The following CBR4 variants were observed in gnomAD, a reference collection of about 807,000 sequenced individuals.
The protein encoded by CBR4 is carbonyl reductase 4.
A neutral mutation model predicts 21.0 loss-of-function variants in CBR4; 22 were observed. That is an observed-to-expected ratio of 1.05 (90% CI 0.75 to 1.50). The LOEUF (loss-of-function observed/expected upper bound fraction) is 1.50, where lower values mean the gene tolerates loss of function less well. CBR4 is among the 40% of genes most tolerant of loss of function. The pLI is 0.00. For missense variants in CBR4, 302 were observed against 286.3 expected, an observed-to-expected ratio of 1.05 and a Z score of -0.40; for synonymous variants, 100 against 104.4, an observed-to-expected ratio of 0.96 and a Z score of 0.26.
chr4:168,986,956 T>A (rs1462566695), downstream of CBR4, among the ~76,000 whole-genome samples: 1 of 152,116 alleles, frequency 6.6e-6, no homozygotes, highest in Non-Finnish European at 1.5e-5. Flanking sequence ...TAAATTAATT[T>A]AATTAAATAA....
At chr4:168,997,876 AC>A (rs1365647697) in intron 4 of CBR4, among the ~76,000 whole-genome samples, 1 of 152,198 alleles carries the variant, frequency 6.6e-6, no homozygotes, top group Non-Finnish European at 1.5e-5. Flanking sequence ...AACAAAAACA[AC>A]CCAACACTTT....
chr4:168,953,284 C>T (rs34605427), intron 2 of CBR4, among the ~76,000 whole-genome samples: 23,121 of 152,142 alleles, frequency 0.15, 1,950 homozygotes, highest in African/African-American at 0.22. Flanking sequence ...GCAAAAGCAC[C>T]GCATCTATTT....
chr4:168,988,699 C>T lies in CBR4; in HGVS notation c.*1451G>A. ...TTAATAGACAATTTGTTTAATGATA[C>T]TAACTTTACTCACACTTAATTGACT... On this transcript the variant is annotated 3_prime_UTR_variant, in exon 5 of 5. Transcript: ENST00000306193. 1 of 976,080 alleles carries T rather than the reference C, an allele frequency of 1.0e-6. No individual in the cohort carries two copies. Among genetic ancestry groups the T allele is most frequent in the Non-Finnish European group, 1.2e-6 (1 of 821,420 alleles). The allele number at this position is 976,080 out of a possible 1,614,324, so 60.5% of individuals were successfully genotyped here.
At chr4:168,918,483 A>T (rs1048042344) in intron 2 of CBR4, among the ~76,000 whole-genome samples, 1 of 152,306 alleles carries the variant, frequency 6.6e-6, no homozygotes, top group African/African-American at 2.4e-5. Flanking sequence ...AATATAAAAA[A>T]GTTGAACTCA....
chr4:168,912,662 A>G (rs1050866829), intron 2 of CBR4, among the ~76,000 whole-genome samples: 6 of 152,212 alleles, frequency 3.9e-5, no homozygotes, highest in Non-Finnish European at 8.8e-5. Flanking sequence ...AAGCATGTAT[A>G]CAACGTATAA....
At chr4:168,924,392 T>C in intron 2 of CBR4, 1 of 1,613,946 alleles carries the variant, frequency 6.2e-7, no homozygotes, top group East Asian at 2.2e-5. Context: ...AGAAAATGAA[T>C]CACTCACTCA....
At chr4:169,007,278 C>A (rs1366995115) in intron 2 of CBR4, among the ~76,000 whole-genome samples, 1 of 152,164 alleles carries the variant, frequency 6.6e-6, no homozygotes, top group Non-Finnish European at 1.5e-5. Context: ...ATAATATCCA[C>A]TCCATGATTC....
chr4:168,943,026 G>A (rs1486388486), intron 2 of CBR4, among the ~76,000 whole-genome samples: 1 of 152,126 alleles, frequency 6.6e-6, no homozygotes, highest in Non-Finnish European at 1.5e-5. Flanking sequence ...TGGGAATGTA[G>A]ACTAGCACAA....
chr4:168,935,942 C>T (rs1376832700), intron 2 of CBR4, among the ~76,000 whole-genome samples: 1 of 152,194 alleles, frequency 6.6e-6, no homozygotes, highest in African/African-American at 2.4e-5. Context: ...TCAAGTGGGT[C>T]CCTGACCCCC....
At chr4:168,926,082 T>G (rs534104690) in intron 2 of CBR4, 1 of 697,814 alleles carries the variant, frequency 1.4e-6, no homozygotes, top group Non-Finnish European at 2.2e-6. Context: ...TTCCTAAATT[T>G]TCCATGTTTC....
At chr4:168,926,304 C>A in intron 2 of CBR4, 1 of 1,537,266 alleles carries the variant, frequency 6.5e-7, no homozygotes, top group Non-Finnish European at 8.7e-7. Context: ...AGGGACTAGA[C>A]ATCAAAGCAG....
intron 4 of CBR4, among the ~76,000 whole-genome samples, chr4:168,999,601 C>CA (rs1218044835): frequency 2.1e-5 from 1 of 46,882 alleles, no homozygotes; most frequent in African/African-American, 8.3e-5. Context: ...GTATGCTCAA[C>CA]AAAAAAGGGG....
chr4:168,989,224 T>G lies in CBR4; in HGVS notation c.*926A>C. 4 of 975,150 alleles carry G rather than the reference T, an allele frequency of 4.1e-6. No individual in the cohort carries two copies. Among genetic ancestry groups the G allele is most frequent in the Non-Finnish European group, 4.9e-6 (4 of 820,556 alleles). 60.4% of individuals were successfully genotyped at this position (975,150 alleles called of 1,614,324 possible). A position where few individuals can be genotyped will look rare whatever the true frequency, so the allele number is the denominator to read the frequency against. The stretch of plus-strand genomic sequence containing the variant: ...AAAATACTCTTAATTTTTTAAATGT[T>G]GTATTTCTCGTTTTTAAATATTAAT... On this transcript the variant is annotated 3_prime_UTR_variant, in exon 5 of 5. Transcript: ENST00000306193.
chr4:168,907,819 A>G (rs1758123070), intron 2 of CBR4, among the ~76,000 whole-genome samples: 1 of 151,388 alleles, frequency 6.6e-6, no homozygotes, highest in South Asian at 2.1e-4. Context: ...TAAAATAACT[A>G]CTCTGGGTCT....
At chr4:168,924,531 T>C (rs1762201462) in intron 2 of CBR4, 2 of 1,078,696 alleles carry the variant, frequency 1.9e-6, no homozygotes, top group East Asian at 2.4e-5. Context: ...CATAGATGTT[T>C]TGATTTTTGA....
intron 2 of CBR4, among the ~76,000 whole-genome samples, chr4:168,957,409 G>T (rs545918029): frequency 1.1e-4 from 17 of 151,782 alleles, no homozygotes; most frequent in African/African-American, 3.9e-4. Context: ...AATGCTGTGT[G>T]CCCCAGGTTG....
Position 169,006,776 on chromosome 4 carries a change from C to A in CBR4, c.379G>T (p.Gly127Ter). 1 of 1,613,742 alleles carries A rather than the reference C, an allele frequency of 6.2e-7. No individual in the cohort carries two copies. The highest frequency in any genetic ancestry group is 1.1e-5 in the South Asian group (1 of 91,058). The change falls in exon 3 of 5, where the codon GGA becomes TGA. Residue 127 changes from glycine (G) to a stop codon, truncating the protein, a stop_gained. Transcript: ENST00000306193. LOFTEE classifies it high-confidence loss of function. Reference sequence around the variant, plus strand: ...TCACCTACATTAACAATAGACCCTCCCTGTTGTTGAATCATAGTCCTCATG... The same window carrying A: ...TCACCTACATTAACAATAGACCCTCACTGTTGTTGAATCATAGTCCTCATG... ...AAMRTMIQQQ[G>*]GSIVNVGSIV... is the part of the protein sequence containing the mutation.
intron 2 of CBR4, among the ~76,000 whole-genome samples, chr4:168,943,005 T>C (rs1013151098): frequency 5.3e-5 from 8 of 152,192 alleles, no homozygotes; most frequent in Admixed American, 6.5e-5. Flanking sequence ...CAGGAACTCA[T>C]GCACTGTTGG....
intron 2 of CBR4, among the ~76,000 whole-genome samples, chr4:168,950,063 C>A (rs1223130831): frequency 6.6e-6 from 1 of 152,094 alleles, no homozygotes; most frequent in East Asian, 1.9e-4. Flanking sequence ...TTCAAAGAAT[C>A]AGCTTTTTGT....
Sources: allele counts gnomAD v4.1 joint callset (sites outside exome capture counted in the v4.1 genomes callset), GRCh38; gene constraint gnomAD v4.1.1; transcripts MANE v1.5; gene names NCBI Gene and HGNC (gene_info 2026-07-23, HGNC 2026-07-21).